Variants in LDLRAD3 observed in about 807,000 individuals in gnomAD.
LDLRAD3 encodes low-density lipoprotein receptor class A domain-containing protein 3.
A neutral mutation model predicts 29.4 loss-of-function variants in LDLRAD3; 20 were observed. The ratio of observed to expected loss-of-function variants is 0.68; its 90% CI spans 0.48 to 0.99. The LOEUF is 0.99. Among genes scored for constraint, LDLRAD3 ranks in the 50% least tolerant of loss-of-function variants. The pLI, the probability that LDLRAD3 is intolerant of heterozygous loss-of-function variation, is 0.00. For synonymous variants in LDLRAD3, 157 were observed against 192.7 expected, an observed-to-expected ratio of 0.81 and a Z score of 1.53; for missense variants, 420 against 454.3, an observed-to-expected ratio of 0.92 and a Z score of 0.69.
chr11:36,120,291 T>C (rs183074104), intron 4 of LDLRAD3, among the ~76,000 whole-genome samples: 2 of 152,290 alleles, frequency 1.3e-5, no homozygotes, highest in Admixed American at 6.5e-5. Context: ...TCTTCTTCAC[T>C]GAGTGACCTT....
At chr11:36,184,268 C>T (rs947363186) in intron 4 of LDLRAD3, among the ~76,000 whole-genome samples, 12 of 152,110 alleles carry the variant, frequency 7.9e-5, no homozygotes, top group African/African-American at 2.9e-4. Context: ...TCCAGTCTTC[C>T]ATCATTTTTT....
At chr11:36,154,160 C>A (rs775577794) in intron 4 of LDLRAD3, among the ~76,000 whole-genome samples, 1 of 152,174 alleles carries the variant, frequency 6.6e-6, no homozygotes, top group Admixed American at 6.5e-5. Context: ...AATGTTCTCT[C>A]GCATTCTGGC....
intron 4 of LDLRAD3, among the ~76,000 whole-genome samples, chr11:36,199,592 C>T (rs939482657): frequency 2.0e-5 from 3 of 150,416 alleles, no homozygotes; most frequent in East Asian, 2.0e-4. Context: ...CACACACGCA[C>T]GCACGCGTGC....
In LDLRAD3 at chr11:36,081,800, A is replaced by G. The variant is rs373302262; in HGVS notation, c.319+22A>G. 7 of 1,613,212 alleles carry G rather than the reference A, an allele frequency of 4.3e-6. No homozygotes were observed. The African/African-American group carries it at 8.0e-5, about 18-fold the overall frequency. On this transcript the variant is annotated intron_variant, in intron 3 of 5. Transcript: ENST00000315571. The stretch of plus-strand genomic sequence containing the variant: ...TGCAGTAAGTGCTGCGCACTTGAAC[A>G]CTGTGATCCCTTGTTCTTTCCCGCC...
At chr11:35,978,263 A>G (rs915928016) in intron 1 of LDLRAD3, among the ~76,000 whole-genome samples, 2 of 152,234 alleles carry the variant, frequency 1.3e-5, no homozygotes, top group Admixed American at 1.3e-4. Context: ...ATCAAAGGCA[A>G]AATCCAAACT....
intron 4 of LDLRAD3, among the ~76,000 whole-genome samples, chr11:36,173,293 C>A (rs897562968): frequency 2.0e-5 from 3 of 150,792 alleles, no homozygotes; most frequent in African/African-American, 4.9e-5. Context: ...CCCATTAACT[C>A]GTCATTTACA....
At chr11:36,201,917 C>A (rs150865149) in intron 4 of LDLRAD3, among the ~76,000 whole-genome samples, 2 of 152,340 alleles carry the variant, frequency 1.3e-5, no homozygotes, top group African/African-American at 4.8e-5. Context: ...CCAGGTGTGA[C>A]CTGAACAGCA....
intron 4 of LDLRAD3, among the ~76,000 whole-genome samples, chr11:36,145,238 G>A (rs1441033946): frequency 1.7e-4 from 12 of 71,324 alleles, no homozygotes; most frequent in Non-Finnish European, 2.3e-4. Flanking sequence ...CAGCCGCCCC[G>A]TCCGGGAGGG....
chr11:36,001,528 T>A (rs1444788509), intron 1 of LDLRAD3, among the ~76,000 whole-genome samples: 1 of 152,192 alleles, frequency 6.6e-6, no homozygotes, highest in Non-Finnish European at 1.5e-5. Context: ...TTGGGTGAAA[T>A]GGTTGCTTCA....
At chr11:36,137,852 C>A (rs1294801924) in intron 4 of LDLRAD3, among the ~76,000 whole-genome samples, 1 of 152,190 alleles carries the variant, frequency 6.6e-6, no homozygotes, top group Non-Finnish European at 1.5e-5. Flanking sequence ...AATGGGTAAC[C>A]ATTTACATAT....
chr11:36,105,641 A>C (rs925354803), intron 4 of LDLRAD3, among the ~76,000 whole-genome samples: 3 of 152,166 alleles, frequency 2.0e-5, no homozygotes, highest in Non-Finnish European at 1.5e-5. Flanking sequence ...AGGTGAAGGC[A>C]GAAATTGGGA....
chr11:36,060,268 G>A (rs1260063699), intron 2 of LDLRAD3, among the ~76,000 whole-genome samples: 2 of 151,636 alleles, frequency 1.3e-5, no homozygotes, highest in Non-Finnish European at 2.9e-5. Context: ...ACAGGAGAAT[G>A]GCGTGAACCC....
At chr11:36,086,838 G>A (rs1277842155) in intron 3 of LDLRAD3, among the ~76,000 whole-genome samples, 2 of 152,150 alleles carry the variant, frequency 1.3e-5, no homozygotes, top group Non-Finnish European at 2.9e-5. Flanking sequence ...TATTCAGTGG[G>A]AAAGCCAGAG....
At chr11:36,011,415 AT>A (rs1851953879) in intron 1 of LDLRAD3, among the ~76,000 whole-genome samples, 1 of 152,142 alleles carries the variant, frequency 6.6e-6, no homozygotes, top group African/African-American at 2.4e-5. Context: ...CATGGCCCCA[AT>A]CAGTGAAAAA....
At chr11:36,000,783 G>T (rs1176913363) in intron 1 of LDLRAD3, among the ~76,000 whole-genome samples, 2 of 152,068 alleles carry the variant, frequency 1.3e-5, no homozygotes, top group Non-Finnish European at 2.9e-5. Flanking sequence ...ACCCATCCTC[G>T]GTGTGGGAAG....
At chr11:36,112,984 TCATA>T (rs145227488) in intron 4 of LDLRAD3, among the ~76,000 whole-genome samples, 10,125 of 152,242 alleles carry the variant, frequency 0.067, 381 homozygotes, top group Middle Eastern at 0.095. Flanking sequence ...TGTCAGTCAG[TCATA>T]CATGGAGTCA....
intron 4 of LDLRAD3, among the ~76,000 whole-genome samples, chr11:36,205,254 C>T (rs770543318): frequency 1.3e-5 from 2 of 152,196 alleles, no homozygotes; most frequent in Non-Finnish European, 2.9e-5. Flanking sequence ...CCACATTTGA[C>T]TGTCATCATT....
In LDLRAD3 at chr11:36,108,319, C is replaced by CAAAAAAAAA. The variant is rs60376519; in HGVS notation, c.454+9879_454+9887dup. On this transcript the variant is annotated intron_variant, in intron 4 of 5. Transcript: ENST00000315571. The stretch of plus-strand genomic sequence containing the variant: ...TGGGTGACAGAGCGAGACTCCATCT[C>CAAAAAAAAA]AAAAAAAAAAAAAAAAAAAAAAAAA... Among the ~76,000 whole-genome samples the CAAAAAAAAA allele has an allele frequency of 1.2e-3, 58 of 48,980 alleles. 1 individual carries two copies. Among genetic ancestry groups the CAAAAAAAAA allele is most frequent in the Admixed American group, 1.5e-3 (4 of 2,616 alleles). The allele number at this position is 48,980 out of a possible 152,430, so 32.1% of individuals were successfully genotyped here.
rs141494822 is a variant in LDLRAD3 at position 36,036,476 on chromosome 11, G to C, written c.193+227G>C. ...GTGGAGCCAACGCTTTGAGAGAGCA[G>C]AAGGTTTTACCATCAGGCTCTACTA... On this transcript the variant is annotated intron_variant, in intron 2 of 5. Transcript: ENST00000315571. 1.5e-3 allele frequency among the ~76,000 whole-genome samples: 234 copies of C among 152,306 alleles called. 1 individual carries two copies. Among genetic ancestry groups the C allele is most frequent in the African/African-American group, 5.6e-3 (231 of 41,570 alleles).
Sources: gnomAD v4.1 joint callset for allele counts (sites outside exome capture counted in the v4.1 genomes callset) on GRCh38, gnomAD v4.1.1 for gene constraint, MANE v1.5 for transcripts, NCBI Gene and HGNC (gene_info 2026-07-23, HGNC 2026-07-21) for gene names.